MRTFA: variants seen among roughly 807,000 people sequenced by gnomAD.
MRTFA encodes myocardin related transcription factor A, also known as myocardin-related transcription factor A.
In MRTFA, 20 loss-of-function variants were observed where a neutral mutation model predicts 83.5. The ratio of observed to expected loss-of-function variants is 0.24; its 90% confidence interval spans 0.17 to 0.35. MRTFA has a LOEUF of 0.35. Among genes scored for constraint, MRTFA ranks in the 10% least tolerant of loss-of-function variants. The probability of loss-of-function intolerance (pLI) is 1.00; values close to 1 mark genes in which losing one functional copy is unlikely to be tolerated. For synonymous variants in MRTFA, 659 were observed against 541.2 expected, an observed-to-expected ratio of 1.22 and a Z score of -3.02; for missense variants, 1,200 against 1,224.7, an observed-to-expected ratio of 0.98 and a Z score of 0.30.
Position 40,480,851 on chromosome 22 carries a change from C to T in MRTFA, c.242-17565G>A, listed in dbSNP as rs144965066. Among the ~76,000 whole-genome samples the T allele has an allele frequency of 4.1e-3, 621 of 149,736 alleles. 1 individual carries two copies. The highest frequency in any genetic ancestry group is 6.8e-3 in the Non-Finnish European group (462 of 67,770). On this transcript the variant is annotated intron_variant, in intron 3 of 14. Transcript: ENST00000355630. ...GCAACCTCCGCCTCCCGGGTTCAAG[C>T]GATTCTCCTTCCTCAGCCTCCCGAG...
chr22:40,582,402 T>A (rs2147362039), intron 2 of MRTFA, among the ~76,000 whole-genome samples: 1 of 152,342 alleles, frequency 6.6e-6, no homozygotes, highest in East Asian at 1.9e-4. Context: ...TCTGTGTTGG[T>A]ATATTTTTTC....
At chr22:40,507,538 C>T (rs1407757284) in intron 3 of MRTFA, among the ~76,000 whole-genome samples, 2 of 151,546 alleles carry the variant, frequency 1.3e-5, no homozygotes, top group African/African-American at 4.9e-5. Flanking sequence ...GGGGGGATCA[C>T]TTGAGCCTGT....
intron 4 of MRTFA, among the ~76,000 whole-genome samples, chr22:40,441,794 A>G (rs754293910): frequency 3.0e-4 from 46 of 151,442 alleles, no homozygotes; most frequent in Admixed American, 1.2e-3. Context: ...CTCGGGGGGA[A>G]AAAATATATA....
At chr22:40,449,121 G>A (rs560810985) in intron 4 of MRTFA, among the ~76,000 whole-genome samples, 1 of 152,072 alleles carries the variant, frequency 6.6e-6, no homozygotes, top group East Asian at 1.9e-4. Flanking sequence ...AAAACAATTA[G>A]CCGGGCGTGG....
At chr22:40,450,235 T>A (rs1449352243) in intron 4 of MRTFA, among the ~76,000 whole-genome samples, 1 of 152,140 alleles carries the variant, frequency 6.6e-6, no homozygotes, top group Non-Finnish European at 1.5e-5. Flanking sequence ...TGTGGAAGAT[T>A]CCCTATGAAG....
intron 1 of MRTFA, among the ~76,000 whole-genome samples, chr22:40,618,008 T>C (rs1205386675): frequency 1.3e-5 from 2 of 151,656 alleles, no homozygotes; most frequent in Admixed American, 1.3e-4. Context: ...TGGTAATAAG[T>C]CTTCTGGAGA....
intron 7 of MRTFA, among the ~76,000 whole-genome samples, chr22:40,424,625 C>T (rs760895128): frequency 6.6e-6 from 1 of 152,164 alleles, no homozygotes; most frequent in African/African-American, 2.4e-5. Context: ...CCTCATGGGC[C>T]GAGCAAACGC....
intron 1 of MRTFA, among the ~76,000 whole-genome samples, chr22:40,626,644 C>T (rs1460212855): frequency 3.9e-5 from 6 of 152,102 alleles, no homozygotes; most frequent in African/African-American, 1.4e-4. Context: ...AATATATACA[C>T]ATATATATGG....
chr22:40,418,405 C>A lies in MRTFA; in HGVS notation c.2333G>T (p.Ser778Ile). ...GGGGCTCCCACTGGACAGGCCAGGGCTGTCTGCATTCTTATTGGTCACGGT... is the reference window on the plus strand; with the variant it reads ...GGGGCTCCCACTGGACAGGCCAGGGATGTCTGCATTCTTATTGGTCACGGT... The change falls in exon 12 of 15, where the codon AGC becomes ATC. Residue 778 changes from serine (S) to isoleucine (I), a missense_variant. This residue lies in a region of MRTFA where 1,107 missense variants were observed against 1,041.8 expected (regional missense o/e 1.06). Transcript: ENST00000355630. The A allele has an allele frequency of 6.2e-7, 1 of 1,614,070 alleles. No homozygotes were observed. The highest frequency in any genetic ancestry group is 8.5e-7 in the Non-Finnish European group (1 of 1,179,946).
chr22:40,456,058 G>A (rs1488671789), intron 4 of MRTFA, among the ~76,000 whole-genome samples: 1 of 151,966 alleles, frequency 6.6e-6, no homozygotes, highest in Non-Finnish European at 1.5e-5. Flanking sequence ...GCCTCCCAAA[G>A]TGCTGGGATT....
chr22:40,544,036 T>A (rs2055328093), intron 3 of MRTFA, among the ~76,000 whole-genome samples: 1 of 152,118 alleles, frequency 6.6e-6, no homozygotes, highest in Non-Finnish European at 1.5e-5. Flanking sequence ...AGCTAAGTCC[T>A]TGATATATGA....
At chr22:40,601,876 G>C (rs1357354937) in intron 1 of MRTFA, among the ~76,000 whole-genome samples, 2 of 152,110 alleles carry the variant, frequency 1.3e-5, no homozygotes, top group Non-Finnish European at 2.9e-5. Flanking sequence ...AGAGGTAGGG[G>C]GTCAAATCTC....
At chr22:40,475,830 A>C (rs2053985615) in intron 3 of MRTFA, among the ~76,000 whole-genome samples, 1 of 152,226 alleles carries the variant, frequency 6.6e-6, no homozygotes. Flanking sequence ...TTTCTATGCA[A>C]GATAGCACTA....
intron 2 of MRTFA, among the ~76,000 whole-genome samples, chr22:40,562,873 T>G (rs1255392204): frequency 6.6e-6 from 1 of 152,034 alleles, no homozygotes; most frequent in Non-Finnish European, 1.5e-5. Context: ...TCTATAGAGT[T>G]CTCAACGAAT....
intron 3 of MRTFA, among the ~76,000 whole-genome samples, chr22:40,489,971 CAAAAAA>C (rs55808950): frequency 9.4e-6 from 1 of 105,882 alleles, no homozygotes; most frequent in Non-Finnish European, 1.8e-5. Context: ...GACTCTGTCG[CAAAAAA>C]AAAAAAAAAA....
At chr22:40,468,527 C>T (rs1314744196) in intron 3 of MRTFA, among the ~76,000 whole-genome samples, 2 of 152,184 alleles carry the variant, frequency 1.3e-5, no homozygotes, top group African/African-American at 4.8e-5. Flanking sequence ...ACTGTAGGGA[C>T]ATTTCATTAA....
At chr22:40,549,302 T>C (rs1420944010) in intron 3 of MRTFA, among the ~76,000 whole-genome samples, 1 of 152,180 alleles carries the variant, frequency 6.6e-6, no homozygotes, top group Non-Finnish European at 1.5e-5. Flanking sequence ...GCATAATTCA[T>C]AATAGCCCCA....
chr22:40,489,191 A>G (rs969214840), intron 3 of MRTFA, among the ~76,000 whole-genome samples: 16 of 152,174 alleles, frequency 1.1e-4, no homozygotes, highest in African/African-American at 3.9e-4. Flanking sequence ...AGGAAGAATG[A>G]TCTTTGTCCC....
At chr22:40,505,809 C>T (rs1025698272) in intron 3 of MRTFA, among the ~76,000 whole-genome samples, 2 of 152,210 alleles carry the variant, frequency 1.3e-5, no homozygotes, top group African/African-American at 4.8e-5. Flanking sequence ...TAGGACTTCT[C>T]AGCCTCTAGA....
Sources: gnomAD v4.1 joint callset for allele counts (sites outside exome capture counted in the v4.1 genomes callset) on GRCh38, gnomAD v4.1.1 for gene constraint, gnomAD v4.1.1 regional missense constraint, MANE v1.5 for transcripts, NCBI Gene and HGNC (gene_info 2026-07-23, HGNC 2026-07-21) for gene names.